The following TMEM18 variants were observed in gnomAD, a reference collection of about 807,000 sequenced individuals.
TMEM18 encodes transmembrane protein 18.
In TMEM18, 14 loss-of-function variants were observed where a neutral mutation model predicts 17.4. That is an observed-to-expected ratio of 0.80 (90% CI 0.53 to 1.25). TMEM18 has a LOEUF of 1.25. Ranked by LOEUF, TMEM18 falls within the 50% of genes most tolerant of loss-of-function variation. The pLI, the probability that TMEM18 is intolerant of heterozygous loss-of-function variation, is 0.00. For synonymous variants in TMEM18, 86 were observed against 66.1 expected (o/e 1.30, Z -1.46); for missense variants, 187 against 172.1 (o/e 1.09, Z -0.48).
At chr2:672,307 CA>C (rs1279405442) in intron 3 of TMEM18, among the ~76,000 whole-genome samples, 1 of 152,118 alleles carries the variant, frequency 6.6e-6, no homozygotes, top group Non-Finnish European at 1.5e-5. Flanking sequence ...GGGATGAAGC[CA>C]GGGGTAGAGG....
chr2:673,788 A>C (rs2103093180), intron 2 of TMEM18, among the ~76,000 whole-genome samples: 3 of 144,510 alleles, frequency 2.1e-5, no homozygotes, highest in South Asian at 4.8e-4. Flanking sequence ...AAGGAGGGGA[A>C]GGAGGAGGGC....
Position 666,660 on chromosome 2 carries a change from G to C in TMEM18, c.*2920C>G, listed in dbSNP as rs752275524. ...CTTCGCACCATCCTGGGACTGGGCA[G>C]CGCCACCCCCTGGGTGCTCTTCTCT... On this transcript the variant is annotated 3_prime_UTR_variant, in exon 5 of 5. Transcript: ENST00000281017. Among the ~76,000 whole-genome samples the C allele has an allele frequency of 5.3e-5, 8 of 152,162 alleles. No individual in the cohort carries two copies. Among genetic ancestry groups the C allele is most frequent in the Non-Finnish European group, 7.4e-5 (5 of 68,016 alleles).
intron 1 of TMEM18, chr2:676,119 G>A (rs1659181628): frequency 7.6e-7 from 1 of 1,324,122 alleles, no homozygotes; most frequent in Non-Finnish European, 1.0e-6. Flanking sequence ...AGACCTCAGG[G>A]AATCTTGAGC....
chr2:671,867 G>C, intron 3 of TMEM18, among the ~76,000 whole-genome samples: 2 of 151,996 alleles, frequency 1.3e-5, no homozygotes, highest in Non-Finnish European at 2.9e-5. Context: ...CCCTGCATCC[G>C]GGAGGAGAGG....
intron 4 of TMEM18, 40 bp from the exon 5 acceptor site, chr2:669,715 C>T: frequency 6.2e-7 from 1 of 1,613,922 alleles, no homozygotes; most frequent in Non-Finnish European, 8.5e-7. Context: ...ATTTGAAAAA[C>T]ATACACATGA....
Position 677,371 on chromosome 2 carries a change from C to A in TMEM18, c.-26G>T. ...GGTGTTGGGAAGCCCGCTCTCACAG[C>A]AACCGCCGAACCCGGCCTGGCCAGA... is the stretch of plus-strand genomic sequence containing the variant. On this transcript the variant is annotated 5_prime_UTR_variant, in exon 1 of 5. Transcript: ENST00000281017. 1 of 1,605,304 alleles carries A rather than the reference C, an allele frequency of 6.2e-7. No individual in the cohort carries two copies. Among genetic ancestry groups the A allele is most frequent in the Non-Finnish European group, 8.5e-7 (1 of 1,176,102 alleles).
At position 675,535 on chromosome 2, in the gene TMEM18, T is replaced by C. The variant is rs763876239; in HGVS notation, c.153A>G (p.Leu51=). Residue 51 remains leucine, a synonymous_variant, in exon 2 of 5, where the codon CTA becomes CTG. Coordinates refer to ENST00000281017, the MANE Select transcript of TMEM18 (RefSeq NM_152834.4). The part of the protein sequence containing the change: ...LTCLSSRSYR[L]QIGHFLCLVI... ...CTAGACACAGAAAGTGCCCGATCTGTAGTCTGTAGCTTCGGGAGGACAAGC... is the reference window on the plus strand; with the variant it reads ...CTAGACACAGAAAGTGCCCGATCTGCAGTCTGTAGCTTCGGGAGGACAAGC... The C allele has an allele frequency of 4.1e-5, 66 of 1,614,132 alleles. No individual in the cohort carries two copies. Among genetic ancestry groups the C allele is most frequent in the Non-Finnish European group, 5.4e-5 (64 of 1,180,044 alleles).
chr2:676,274 C>A, intron 1 of TMEM18: 1 of 1,461,282 alleles, frequency 6.8e-7, no homozygotes, highest in South Asian at 1.2e-5. Flanking sequence ...CCTGAAGTAG[C>A]CAGGCTCAGA....
intron 1 of TMEM18, chr2:676,617 C>A: frequency 6.4e-7 from 1 of 1,550,428 alleles, no homozygotes; most frequent in Non-Finnish European, 8.7e-7. Flanking sequence ...CGGCTTTCTG[C>A]CCAGACCCCA....
Position 666,383 on chromosome 2 carries a change from G to A in TMEM18, c.*3197C>T, listed in dbSNP as rs1678689656. 6.6e-6 allele frequency among the ~76,000 whole-genome samples: 1 copy of A among 152,200 alleles called. No homozygotes were observed. The highest frequency in any genetic ancestry group is 1.5e-5 in the Non-Finnish European group (1 of 68,036). On this transcript the variant is annotated 3_prime_UTR_variant, in exon 5 of 5. Coordinates refer to ENST00000281017, the MANE Select transcript of TMEM18 (RefSeq NM_152834.4). The stretch of plus-strand genomic sequence containing the variant: ...AGGTCTTGTGCAATTTCTAATGACA[G>A]CATGATTCGGAGACTATAATAGCTA...
At chr2:675,237 C>T (rs924074594) in intron 2 of TMEM18, among the ~76,000 whole-genome samples, 4 of 152,216 alleles carry the variant, frequency 2.6e-5, no homozygotes, top group Non-Finnish European at 5.9e-5. Context: ...ACAGCACTTC[C>T]GGAAACCCAA....
intron 3 of TMEM18, 146 bp downstream of exon 3, chr2:672,662 C>T (rs989442240): frequency 1.7e-6 from 1 of 582,206 alleles, no homozygotes; most frequent in Non-Finnish European, 2.7e-6. Context: ...CACCCTGGAG[C>T]CCACCAACCC....
In TMEM18 at chr2:672,363, G is replaced by A. The variant is rs116955890; in HGVS notation, c.233+445C>T. Among the ~76,000 whole-genome samples, 42 of 152,186 alleles carry A rather than the reference G, an allele frequency of 2.8e-4. No homozygotes were observed. In the East Asian group the frequency reaches 3.9e-3, roughly 14 times the overall value. On this transcript the variant is annotated intron_variant, in intron 3 of 4. Coordinates refer to ENST00000281017, the MANE Select transcript of TMEM18 (RefSeq NM_152834.4). ...GCCAGGGCTGCCAGCGGTGCCCCCC[G>A]ACATCAGGATGTGGGGCTGGGGATG... is the stretch of plus-strand genomic sequence containing the variant.
intron 2 of TMEM18, among the ~76,000 whole-genome samples, chr2:674,776 A>G (rs1350272067): frequency 1.3e-5 from 2 of 152,212 alleles, no homozygotes; most frequent in African/African-American, 2.4e-5. Context: ...TGTCTCCCCA[A>G]TGTTGAGAGT....
In TMEM18 at chr2:666,999, A is replaced by T. The variant is rs1488254606; in HGVS notation, c.*2581T>A. Among the ~76,000 whole-genome samples, 1 of 139,486 alleles carries T rather than the reference A, an allele frequency of 7.2e-6. No homozygotes were observed. Among genetic ancestry groups the T allele is most frequent in the Non-Finnish European group, 1.5e-5 (1 of 65,834 alleles). The allele number at this position is 139,486 out of a possible 152,430, so 91.5% of individuals were successfully genotyped here. On this transcript the variant is annotated 3_prime_UTR_variant, in exon 5 of 5. Coordinates refer to ENST00000281017, the MANE Select transcript of TMEM18 (RefSeq NM_152834.4). ...GCGCCACTGAAGCTCCTTACCCTGA[A>T]TTCCACCCCCAGCCCTTTTTTTTTT...
Position 664,974 on chromosome 2 carries a change from T to C in TMEM18, c.*4606A>G, listed in dbSNP as rs151158430. On this transcript the variant is annotated 3_prime_UTR_variant, in exon 5 of 5. Transcript: ENST00000281017. ...TGATAATAGGGACTACATTACTTTA[T>C]AGAAGATAGACTTACAGAAAAAAGG... Among the ~76,000 whole-genome samples the C allele has an allele frequency of 1.3e-5, 2 of 152,348 alleles. No homozygotes were observed. Among genetic ancestry groups the C allele is most frequent in the African/African-American group, 2.4e-5 (1 of 41,572 alleles).
intron 1 of TMEM18, 67 bp from the exon 2 acceptor site, chr2:675,697 A>T: frequency 6.3e-7 from 1 of 1,592,176 alleles, no homozygotes; most frequent in South Asian, 1.1e-5. Flanking sequence ...GCCCACCCAC[A>T]GCCTTCTCCC....
Position 677,400 on chromosome 2 carries a change from C to G in TMEM18, c.-55G>C, listed in dbSNP as rs1173244645. The G allele has an allele frequency of 3.1e-6, 5 of 1,592,488 alleles. No homozygotes were observed. Among genetic ancestry groups the G allele is most frequent in the Non-Finnish European group, 4.3e-6 (5 of 1,170,282 alleles). On this transcript the variant is annotated 5_prime_UTR_variant, in exon 1 of 5. Transcript: ENST00000281017. Reference sequence around the variant, plus strand: ...CGCCGAACCCGGCCTGGCCAGAATCCACAGAGGAGGGCGCCAAATCCTCTC... The same window carrying G: ...CGCCGAACCCGGCCTGGCCAGAATCGACAGAGGAGGGCGCCAAATCCTCTC...
rs1039842918 is a variant in TMEM18 at position 677,316 on chromosome 2, G to A, written c.30C>T (p.Phe10=). Residue 10 remains phenylalanine (F), a synonymous_variant, in exon 1 of 5, where the codon TTC becomes TTT. Coordinates refer to ENST00000281017, the MANE Select transcript of TMEM18 (RefSeq NM_152834.4). ...TGAGCACGGCTGGGATGCTGACGGG[G>A]AAAGAGCTGACAGAGAAGGCGGACG... MPSAFSVSS[F]PVSIPAVLTQ... 6.2e-7 allele frequency: 1 copy of A among 1,612,512 alleles called. No individual in the cohort carries two copies. The highest frequency in any genetic ancestry group is 1.1e-5 in the South Asian group (1 of 90,814).
Sources: allele counts gnomAD v4.1 joint callset (sites outside exome capture counted in the v4.1 genomes callset), GRCh38; gene constraint gnomAD v4.1.1; transcripts MANE v1.5; gene names NCBI Gene and HGNC (gene_info 2026-07-23, HGNC 2026-07-21).